Variants in FAM185A observed in about 807,000 individuals in gnomAD.
The protein encoded by FAM185A is protein FAM185A.
A neutral mutation model predicts 45.7 loss-of-function variants in FAM185A; 21 were observed. The ratio of observed to expected loss-of-function variants is 0.46; its 90% CI spans 0.33 to 0.66. The LOEUF is 0.66. FAM185A is among the 30% of genes least tolerant of loss of function. The pLI is 0.03. For missense variants in FAM185A, 305 were observed against 485.4 expected, an observed-to-expected ratio of 0.63 and a Z score of 3.49; for synonymous variants, 117 against 194.0, an observed-to-expected ratio of 0.60 and a Z score of 3.30.
intron 7 of FAM185A, among the ~76,000 whole-genome samples, chr7:102,803,136 A>G (rs1220513027): frequency 6.6e-6 from 1 of 152,200 alleles, no homozygotes; most frequent in Non-Finnish European, 1.5e-5. Flanking sequence ...TATTGACACT[A>G]TTCCGCAAGA....
chr7:102,751,669 C>T, intron 1 of FAM185A, 23 bp from the exon 2 acceptor site: 4 of 1,531,432 alleles, frequency 2.6e-6, no homozygotes, highest in Non-Finnish European at 3.5e-6. Flanking sequence ...TACTAACTTG[C>T]TTTTTTCTTT....
intron 7 of FAM185A, among the ~76,000 whole-genome samples, chr7:102,798,894 C>T (rs2129443591): frequency 6.6e-6 from 1 of 151,990 alleles, no homozygotes; most frequent in Non-Finnish European, 1.5e-5. Context: ...ATTACAGGCA[C>T]CTGCCACCAC....
the FAM185A span, among the ~76,000 whole-genome samples, chr7:102,815,931 T>G: frequency 6.6e-6 from 1 of 152,182 alleles, no homozygotes; most frequent in African/African-American, 2.4e-5. Flanking sequence ...GAATGCTGAC[T>G]CCTTAATATA....
At chr7:102,783,237 T>A (rs1795531621) in intron 6 of FAM185A, among the ~76,000 whole-genome samples, 3 of 152,082 alleles carry the variant, frequency 2.0e-5, no homozygotes, top group Middle Eastern at 3.4e-3. Flanking sequence ...ATTAGACAGA[T>A]CAACGAGACA....
chr7:102,780,429 T>C (rs1459970095), intron 6 of FAM185A, among the ~76,000 whole-genome samples: 2 of 152,228 alleles, frequency 1.3e-5, no homozygotes, highest in African/African-American at 4.8e-5. Context: ...TACAGCCAGG[T>C]TGTATGGAAA....
At chr7:102,754,757 T>A (rs1793594498) in intron 2 of FAM185A, among the ~76,000 whole-genome samples, 1 of 152,252 alleles carries the variant, frequency 6.6e-6, no homozygotes, top group Admixed American at 6.5e-5. Context: ...AAGACCACAT[T>A]TGTACAGCAT....
At chr7:102,778,510 A>C (rs574868636) in intron 6 of FAM185A, among the ~76,000 whole-genome samples, 17 of 152,384 alleles carry the variant, frequency 1.1e-4, no homozygotes, top group African/African-American at 4.1e-4. Flanking sequence ...CAAATAATTT[A>C]ATGTTTTGCA....
At chr7:102,766,529 C>T (rs1465248342) in intron 4 of FAM185A, among the ~76,000 whole-genome samples, 2 of 152,146 alleles carry the variant, frequency 1.3e-5, no homozygotes, top group Non-Finnish European at 2.9e-5. Flanking sequence ...AGAAATGTCC[C>T]AATCTGCTTT....
At chr7:102,834,095 A>G in the FAM185A span, among the ~76,000 whole-genome samples, 2,941 of 94,914 alleles carry the variant, frequency 0.031, 112 homozygotes, top group African/African-American at 0.06. Context: ...GAAAAGAAAG[A>G]AAGAAAGAAA....
chr7:102,821,994 C>T, the FAM185A span: 1 of 1,588,614 alleles, frequency 6.3e-7, no homozygotes, highest in Non-Finnish European at 8.6e-7. Flanking sequence ...TATGTTTTCT[C>T]AGAAAGTAGT....
rs530139272 is a variant in FAM185A at position 102,758,018 on chromosome 7, G to T, written c.654+72G>T. Reference sequence around the variant, plus strand: ...TCCATTTGGCTCACCAAGTTGGTAGGTTCTACAAAGTTCGTAGCATAACAT... The same window carrying T: ...TCCATTTGGCTCACCAAGTTGGTAGTTTCTACAAAGTTCGTAGCATAACAT... On this transcript the variant is annotated intron_variant, in intron 3 of 7. Transcript: ENST00000413034. 7 of 1,537,568 alleles carry T rather than the reference G, an allele frequency of 4.6e-6. No homozygotes were observed. In the African/African-American group the frequency reaches 8.3e-5, roughly 18 times the overall value.
intron 6 of FAM185A, among the ~76,000 whole-genome samples, chr7:102,783,327 C>T (rs987431670): frequency 2.0e-5 from 3 of 152,102 alleles, no homozygotes; most frequent in Non-Finnish European, 4.4e-5. Context: ...AACTCTCCAC[C>T]CCAAATCAAC....
chr7:102,793,205 T>G (rs532382091), intron 7 of FAM185A, among the ~76,000 whole-genome samples: 40 of 151,068 alleles, frequency 2.6e-4, no homozygotes, highest in East Asian at 2.3e-3. Context: ...ATGGTGTTTT[T>G]TTTTTGTTGT....
At chr7:102,791,655 C>T (rs1309646145) in intron 7 of FAM185A, among the ~76,000 whole-genome samples, 1 of 152,138 alleles carries the variant, frequency 6.6e-6, no homozygotes, top group Non-Finnish European at 1.5e-5. Context: ...ACAGACTACC[C>T]TATGAGGTTG....
At chr7:102,822,028 G>T in the FAM185A span, 1 of 1,613,902 alleles carries the variant, frequency 6.2e-7, no homozygotes, top group Admixed American at 1.7e-5. Flanking sequence ...TCATAGTCAG[G>T]TACATACTTA....
Position 102,749,163 on chromosome 7 carries a change from T to A in FAM185A, c.-45T>A. 4 of 1,550,842 alleles carry A rather than the reference T, an allele frequency of 2.6e-6. No homozygotes were observed. In the South Asian group the frequency reaches 4.8e-5, roughly 18 times the overall value. On this transcript the variant is annotated 5_prime_UTR_variant, in exon 1 of 8. Transcript: ENST00000413034. ...GTCGATTGGCCGTGGCAAGTGACCCTCCCTGTGGCTGAAGTGTTCTGAGGA... is the reference window on the plus strand; with the variant it reads ...GTCGATTGGCCGTGGCAAGTGACCCACCCTGTGGCTGAAGTGTTCTGAGGA...
At chr7:102,828,492 C>A in the FAM185A span, among the ~76,000 whole-genome samples, 3 of 152,158 alleles carry the variant, frequency 2.0e-5, no homozygotes, top group African/African-American at 7.2e-5. Flanking sequence ...GTAGGATTGT[C>A]ATGGGGAATC....
At chr7:102,834,460 TATA>T in the FAM185A span, 1 of 145,942 alleles carries the variant, frequency 6.9e-6, no homozygotes, top group East Asian at 2.0e-4. Context: ...TGTGATTATA[TATA>T]TATATATATA....
At chr7:102,831,437 C>A in the FAM185A span, among the ~76,000 whole-genome samples, 3 of 147,118 alleles carry the variant, frequency 2.0e-5, no homozygotes, top group Non-Finnish European at 4.5e-5. Context: ...ACACACCCCA[C>A]TACAGAGAGT....
Sources: allele counts gnomAD v4.1 joint callset (sites outside exome capture counted in the v4.1 genomes callset), GRCh38; gene constraint gnomAD v4.1.1; transcripts MANE v1.5; gene names NCBI Gene and HGNC (gene_info 2026-07-23, HGNC 2026-07-21).